The following MAF variants were observed in gnomAD, a reference collection of about 807,000 sequenced individuals.
MAF encodes MAF bZIP transcription factor.
In MAF, 10 loss-of-function variants were observed where a neutral mutation model predicts 22.0. The observed-to-expected ratio is 0.45, with a 90% confidence interval of 0.28 to 0.77. The LOEUF (loss-of-function observed/expected upper bound fraction) is 0.77, where lower values mean the gene tolerates loss of function less well. Ranked by LOEUF, MAF falls within the 30% of genes least tolerant of loss-of-function variation. The pLI, the probability that MAF is intolerant of heterozygous loss-of-function variation, is 0.12. For synonymous variants in MAF, 337 were observed against 255.8 expected, an observed-to-expected ratio of 1.32 and a Z score of -3.03; for missense variants, 544 against 548.4, an observed-to-expected ratio of 0.99 and a Z score of 0.08.
At chr16:79,529,238 C>T in the MAF span, among the ~76,000 whole-genome samples, 7 of 152,206 alleles carry the variant, frequency 4.6e-5, no homozygotes, top group South Asian at 4.1e-4. Flanking sequence ...CCTTCCCATG[C>T]GCCAAAAACC....
chr16:79,360,371 G>A, the MAF span, among the ~76,000 whole-genome samples: 12 of 152,170 alleles, frequency 7.9e-5, no homozygotes, highest in African/African-American at 2.4e-4. Context: ...GTTGGATTAC[G>A]GCAATACACA....
chr16:79,320,709 T>C, the MAF span, among the ~76,000 whole-genome samples: 1 of 152,214 alleles, frequency 6.6e-6, no homozygotes, highest in African/African-American at 2.4e-5. Context: ...ACTTATCCCA[T>C]AGAGCTGTTG....
the MAF span, among the ~76,000 whole-genome samples, chr16:79,323,353 C>A: frequency 6.6e-6 from 1 of 151,610 alleles, no homozygotes; most frequent in Non-Finnish European, 1.5e-5. Flanking sequence ...GTCAGGGACT[C>A]AGGCTGGAAA....
the MAF span, among the ~76,000 whole-genome samples, chr16:79,393,796 A>G: frequency 1.3e-5 from 2 of 152,182 alleles, no homozygotes; most frequent in Admixed American, 1.3e-4. Context: ...AAATCAAAAG[A>G]GGTGTTTACG....
At chr16:79,389,082 T>C in the MAF span, among the ~76,000 whole-genome samples, 2 of 152,190 alleles carry the variant, frequency 1.3e-5, no homozygotes, top group African/African-American at 4.8e-5. Context: ...AGCATTTGTC[T>C]GGTTGTAGGG....
At chr16:79,490,387 C>G in the MAF span, among the ~76,000 whole-genome samples, 5 of 152,286 alleles carry the variant, frequency 3.3e-5, no homozygotes, top group Middle Eastern at 3.4e-3. Flanking sequence ...GTGGGCTGGG[C>G]GAGCAGCCTG....
the MAF span, among the ~76,000 whole-genome samples, chr16:79,218,600 A>G: frequency 6.6e-6 from 1 of 152,174 alleles, no homozygotes; most frequent in Non-Finnish European, 1.5e-5. Flanking sequence ...GTTCCCACTG[A>G]TAACATTTTA....
At chr16:79,313,795 A>T in the MAF span, among the ~76,000 whole-genome samples, 1 of 152,112 alleles carries the variant, frequency 6.6e-6, no homozygotes, top group Non-Finnish European at 1.5e-5. Context: ...TTTCCAGCCA[A>T]TAGATGTCAA....
the MAF span, among the ~76,000 whole-genome samples, chr16:79,324,902 G>A: frequency 6.6e-6 from 1 of 152,034 alleles, no homozygotes; most frequent in Non-Finnish European, 1.5e-5. Flanking sequence ...AGGGTCTAGG[G>A]GAGTATCTGC....
At chr16:79,288,715 G>C in the MAF span, among the ~76,000 whole-genome samples, 1 of 152,280 alleles carries the variant, frequency 6.6e-6, no homozygotes, top group Admixed American at 6.5e-5. Flanking sequence ...CCAGGTGGAA[G>C]AGAATAAGCA....
chr16:79,222,703 A>G, the MAF span, among the ~76,000 whole-genome samples: 3 of 151,856 alleles, frequency 2.0e-5, no homozygotes, highest in African/African-American at 4.8e-5. Flanking sequence ...AAGTGGGAAG[A>G]AAAAAAAGCA....
chr16:79,592,085 C>T (rs1913221312), downstream of MAF, among the ~76,000 whole-genome samples: 1 of 152,184 alleles, frequency 6.6e-6, no homozygotes, highest in African/African-American at 2.4e-5. Flanking sequence ...TCTGGGCCTC[C>T]CGCTTTTAAA....
At chr16:79,306,899 T>C in the MAF span, among the ~76,000 whole-genome samples, 1 of 152,186 alleles carries the variant, frequency 6.6e-6, no homozygotes. Flanking sequence ...CAGGGTTGTT[T>C]TGAGGACTAA....
the MAF span, chr16:79,212,120 T>TATAGA: frequency 6.5e-7 from 1 of 1,534,170 alleles, no homozygotes; most frequent in South Asian, 1.2e-5. Flanking sequence ...CTTTTACTGT[T>TATAGA]ATAGAATAGC....
At chr16:79,395,294 A>C in the MAF span, among the ~76,000 whole-genome samples, 1 of 152,344 alleles carries the variant, frequency 6.6e-6, no homozygotes, top group South Asian at 2.1e-4. Flanking sequence ...GTGGGGTGAC[A>C]CAATCCAAAG....
At chr16:79,361,996 C>A in the MAF span, among the ~76,000 whole-genome samples, 1 of 152,036 alleles carries the variant, frequency 6.6e-6, no homozygotes, top group African/African-American at 2.4e-5. Flanking sequence ...GATCGTTAAC[C>A]CCATTTGAAG....
At chr16:79,430,752 T>C in the MAF span, among the ~76,000 whole-genome samples, 7 of 152,236 alleles carry the variant, frequency 4.6e-5, no homozygotes, top group African/African-American at 1.4e-4. Context: ...AGCCCAGTCC[T>C]TCTCCATCAG....
chr16:79,566,895 T>C, the MAF span, among the ~76,000 whole-genome samples: 1 of 152,198 alleles, frequency 6.6e-6, no homozygotes, highest in South Asian at 2.1e-4. Flanking sequence ...GTAGGGACCC[T>C]CTTTCCAGAA....
At chr16:79,299,658 TC>T in the MAF span, among the ~76,000 whole-genome samples, 3 of 152,110 alleles carry the variant, frequency 2.0e-5, no homozygotes, top group Admixed American at 2.0e-4. Context: ...GAGACCAGCG[TC>T]CTGCACAGTG....
Sources: gnomAD v4.1 joint callset for allele counts (sites outside exome capture counted in the v4.1 genomes callset) on GRCh38, gnomAD v4.1.1 for gene constraint, MANE v1.5 for transcripts, NCBI Gene and HGNC (gene_info 2026-07-23, HGNC 2026-07-21) for gene names.